XRRA1: variants seen among roughly 807,000 people sequenced by gnomAD.
The protein encoded by XRRA1 is X-ray radiation resistance associated 1.
A neutral mutation model predicts 80.2 loss-of-function variants in XRRA1; 69 were observed. The observed-to-expected ratio is 0.86, with a 90% CI of 0.71 to 1.05. The LOEUF (loss-of-function observed/expected upper bound fraction) is 1.05. XRRA1 is among the 50% of genes least tolerant of loss of function. The probability of loss-of-function intolerance (pLI) is 0.00; values close to 1 mark genes in which losing one functional copy is unlikely to be tolerated. For synonymous variants in XRRA1, 348 were observed against 389.9 expected, an observed-to-expected ratio of 0.89 and a Z score of 1.27; for missense variants, 967 against 976.4, an observed-to-expected ratio of 0.99 and a Z score of 0.13.
rs183459163 is a variant in XRRA1, at chr11:74,909,129, C to T, written c.657-1856G>A. 1.4e-3 allele frequency among the ~76,000 whole-genome samples: 217 copies of T among 152,270 alleles called. 1 individual carries two copies. The highest frequency in any genetic ancestry group is 5.1e-3 in the African/African-American group (211 of 41,552). On this transcript the variant is annotated intron_variant, in intron 8 of 18. Transcript: ENST00000684022. ...ACTGACAGACTTCTATAGATTATGACAGTTCTGACTGGAAAAAGGGACAGG... is the reference window on the plus strand; with the variant it reads ...ACTGACAGACTTCTATAGATTATGATAGTTCTGACTGGAAAAAGGGACAGG...
rs971234698 is a variant in XRRA1, at chr11:74,899,349, A to C, written c.1003+6890T>G. Among the ~76,000 whole-genome samples, 9 of 152,192 alleles carry C rather than the reference A, an allele frequency of 5.9e-5. 1 individual carries two copies. Among genetic ancestry groups the C allele is most frequent in the African/African-American group, 2.2e-4 (9 of 41,456 alleles). On this transcript the variant is annotated intron_variant, in intron 10 of 18. Transcript: ENST00000684022. Reference sequence around the variant, plus strand: ...AATAACCTAATGATGCATCTTAAAGAACTAGAGAAGCAAGAGCAAACCAAA... The same window carrying C: ...AATAACCTAATGATGCATCTTAAAGCACTAGAGAAGCAAGAGCAAACCAAA...
intron 8 of XRRA1, among the ~76,000 whole-genome samples, chr11:74,920,412 C>A (rs1170384908): frequency 6.6e-6 from 1 of 152,094 alleles, no homozygotes; most frequent in Non-Finnish European, 1.5e-5. Context: ...AGGCATAAGC[C>A]ACAATAGAAT....
intron 6 of XRRA1, 94 bp from the exon 7 acceptor site, chr11:74,927,582 A>T: frequency 1.2e-6 from 1 of 847,588 alleles, no homozygotes; most frequent in South Asian, 1.5e-5. Flanking sequence ...CTACTGGGTT[A>T]GGCCAGGCAC....
chr11:74,850,425 G>T (rs2039480696), intron 14 of XRRA1, among the ~76,000 whole-genome samples: 1 of 152,178 alleles, frequency 6.6e-6, no homozygotes, highest in Non-Finnish European at 1.5e-5. Flanking sequence ...GAGGACGTCA[G>T]ACAAGAGCCT....
chr11:74,923,741 G>A (rs1360266439), intron 7 of XRRA1, among the ~76,000 whole-genome samples: 1 of 152,158 alleles, frequency 6.6e-6, no homozygotes, highest in Non-Finnish European at 1.5e-5. Flanking sequence ...ACTCTACTGT[G>A]TCTCAGTCTC....
intron 10 of XRRA1, among the ~76,000 whole-genome samples, chr11:74,898,374 C>T (rs533169479): frequency 6.6e-6 from 1 of 152,032 alleles, no homozygotes; most frequent in African/African-American, 2.4e-5. Context: ...CATAAAACAA[C>T]AAGAAAATAC....
intron 1 of XRRA1, among the ~76,000 whole-genome samples, chr11:74,947,544 T>TA (rs1947838047): frequency 6.6e-6 from 1 of 151,608 alleles, no homozygotes; most frequent in Admixed American, 6.6e-5. Flanking sequence ...TCTCAAAAAA[T>TA]AAAAAATAAA....
intron 10 of XRRA1, among the ~76,000 whole-genome samples, chr11:74,892,621 C>T (rs1448052032): frequency 6.6e-6 from 1 of 152,032 alleles, no homozygotes; most frequent in Admixed American, 6.6e-5. Flanking sequence ...AACAGGCAAC[C>T]TACAGAATGG....
At chr11:74,888,175 T>C (rs953758089) in intron 10 of XRRA1, among the ~76,000 whole-genome samples, 4 of 151,954 alleles carry the variant, frequency 2.6e-5, no homozygotes, top group African/African-American at 9.7e-5. Context: ...CACCCCCCAG[T>C]AGGGGCAGAC....
chr11:74,859,775 G>A lies in XRRA1; in HGVS notation c.1045-492C>T, dbSNP rs115765039. On this transcript the variant is annotated intron_variant, in intron 11 of 18. Transcript: ENST00000684022. ...CTCTGATGGGCTAGCCCACATCCTC[G>A]AGTGGAGGGTCTTCATTTGAGGATG... Among the ~76,000 whole-genome samples, 960 of 152,172 alleles carry A rather than the reference G, an allele frequency of 6.3e-3. 11 individuals are homozygous for A. The highest frequency in any genetic ancestry group is 0.022 in the African/African-American group (928 of 41,502).
intron 10 of XRRA1, among the ~76,000 whole-genome samples, chr11:74,884,443 T>C (rs1328177021): frequency 6.6e-6 from 1 of 152,210 alleles, no homozygotes; most frequent in Non-Finnish European, 1.5e-5. Flanking sequence ...TCATACCCTA[T>C]GCAAATGGCA....
At chr11:74,920,528 AAGGAGGAAG>A (rs1285232001) in intron 8 of XRRA1, among the ~76,000 whole-genome samples, 1 of 152,204 alleles carries the variant, frequency 6.6e-6, no homozygotes, top group Non-Finnish European at 1.5e-5. Context: ...CTGGTAGGGA[AAGGAGGAAG>A]GTCTGAGCTG....
chr11:74,932,375 C>T (rs568991835), intron 5 of XRRA1, among the ~76,000 whole-genome samples: 8 of 152,244 alleles, frequency 5.3e-5, no homozygotes, highest in Admixed American at 1.3e-4. Flanking sequence ...GGTCATATTT[C>T]GCACCCTCGT....
At chr11:74,894,100 T>C (rs2051572253) in intron 10 of XRRA1, among the ~76,000 whole-genome samples, 1 of 152,188 alleles carries the variant, frequency 6.6e-6, no homozygotes, top group Non-Finnish European at 1.5e-5. Flanking sequence ...AATGAAATCA[T>C]GTCCTTTGCA....
chr11:74,872,390 A>G (rs1344023603), intron 10 of XRRA1, among the ~76,000 whole-genome samples: 1 of 152,210 alleles, frequency 6.6e-6, no homozygotes, highest in Non-Finnish European at 1.5e-5. Context: ...TAGCACCTTG[A>G]AAAACCACTT....
intron 8 of XRRA1, among the ~76,000 whole-genome samples, chr11:74,912,806 A>T (rs80050655): frequency 0.011 from 1,612 of 152,334 alleles, 33 homozygotes; most frequent in African/African-American, 0.035. Context: ...TTCCTGTATC[A>T]CACTAGCTAC....
intron 10 of XRRA1, among the ~76,000 whole-genome samples, chr11:74,890,673 A>G (rs562120490): frequency 3.3e-5 from 5 of 152,278 alleles, no homozygotes; most frequent in Admixed American, 1.3e-4. Flanking sequence ...AATAAAGAAG[A>G]AAAGAGAGAA....
chr11:74,928,277 C>T (rs1000792319), intron 6 of XRRA1, among the ~76,000 whole-genome samples: 21 of 152,290 alleles, frequency 1.4e-4, no homozygotes, highest in African/African-American at 5.1e-4. Context: ...GTAAAAATCA[C>T]CCTAGGTTGG....
chr11:74,866,222 CA>C (rs2043364503), intron 10 of XRRA1, among the ~76,000 whole-genome samples: 1 of 151,968 alleles, frequency 6.6e-6, no homozygotes, highest in Non-Finnish European at 1.5e-5. Context: ...TTCAAAAGAA[CA>C]TTTTTTTGGG....
Sources: gnomAD v4.1 joint callset for allele counts (sites outside exome capture counted in the v4.1 genomes callset) on GRCh38, gnomAD v4.1.1 for gene constraint, MANE v1.5 for transcripts, NCBI Gene and HGNC (gene_info 2026-07-23, HGNC 2026-07-21) for gene names.